Variants in LHFPL6 observed in about 807,000 individuals in gnomAD.
LHFPL6 encodes LHFPL tetraspan subfamily member 6, also known as LHFPL tetraspan subfamily member 6 protein.
Under a neutral mutation model 20.6 loss-of-function variants are expected in LHFPL6, and 9 were observed. The observed-to-expected ratio is 0.44, with a 90% CI of 0.26 to 0.76. The LOEUF is 0.76. Ranked by LOEUF, LHFPL6 falls within the 30% of genes least tolerant of loss-of-function variation. The probability of loss-of-function intolerance (pLI) is 0.20; values close to 1 mark genes in which losing one functional copy is unlikely to be tolerated. For missense variants in LHFPL6, 218 were observed against 253.5 expected (o/e 0.86, Z 0.95); for synonymous variants, 105 against 98.7 (o/e 1.06, Z -0.38).
chr13:39,438,920 G>A (rs1872037109), intron 2 of LHFPL6, among the ~76,000 whole-genome samples: 1 of 152,184 alleles, frequency 6.6e-6, no homozygotes. Context: ...AGCCCTCATG[G>A]AGAACCTCTA....
At chr13:39,571,630 G>A (rs949635727) in intron 2 of LHFPL6, among the ~76,000 whole-genome samples, 8 of 152,034 alleles carry the variant, frequency 5.3e-5, no homozygotes, top group East Asian at 3.8e-4. Context: ...CACTGATTGC[G>A]GGTATCCAGT....
At chr13:39,458,353 G>T (rs574666673) in intron 2 of LHFPL6, among the ~76,000 whole-genome samples, 1 of 152,226 alleles carries the variant, frequency 6.6e-6, no homozygotes, top group South Asian at 2.1e-4. Context: ...CAATACAAAT[G>T]GATACACACC....
chr13:39,506,943 G>C (rs1473249552), intron 2 of LHFPL6, among the ~76,000 whole-genome samples: 2 of 152,140 alleles, frequency 1.3e-5, no homozygotes. Context: ...AGCTAGCCAA[G>C]AAGGAGATGT....
chr13:39,370,749 A>G (rs917571796), intron 3 of LHFPL6, among the ~76,000 whole-genome samples: 7 of 152,230 alleles, frequency 4.6e-5, no homozygotes, highest in African/African-American at 1.7e-4. Context: ...AGCAACCCGA[A>G]AAGTCCACAG....
intron 2 of LHFPL6, among the ~76,000 whole-genome samples, chr13:39,418,382 C>CTTTTTTTT (rs71077297): frequency 6.9e-5 from 9 of 129,732 alleles, no homozygotes; most frequent in East Asian, 3.1e-4. Flanking sequence ...TTTTTTTGGT[C>CTTTTTTTT]TTTTTTTTTT....
intron 2 of LHFPL6, among the ~76,000 whole-genome samples, chr13:39,487,486 A>T (rs1489252175): frequency 6.6e-6 from 1 of 152,210 alleles, no homozygotes; most frequent in African/African-American, 2.4e-5. Context: ...AAAGATAATG[A>T]CAACAAAAAT....
chr13:39,442,431 G>A (rs745321871), intron 2 of LHFPL6, among the ~76,000 whole-genome samples: 1 of 152,090 alleles, frequency 6.6e-6, no homozygotes, highest in Non-Finnish European at 1.5e-5. Context: ...GAAACTTTCT[G>A]GTGAGATTCA....
At chr13:39,596,886 A>T (rs751056620) in intron 2 of LHFPL6, among the ~76,000 whole-genome samples, 4 of 152,246 alleles carry the variant, frequency 2.6e-5, no homozygotes, top group Non-Finnish European at 4.4e-5. Flanking sequence ...TCAGGTTTAC[A>T]GTAAAGCAAG....
intron 2 of LHFPL6, among the ~76,000 whole-genome samples, chr13:39,571,957 G>A (rs911683750): frequency 5.9e-5 from 9 of 152,180 alleles, no homozygotes; most frequent in Non-Finnish European, 1.3e-4. Context: ...TGAGTGTGAC[G>A]AGCCAAGTAG....
At chr13:39,373,839 A>G (rs944436802) in intron 3 of LHFPL6, among the ~76,000 whole-genome samples, 6 of 152,226 alleles carry the variant, frequency 3.9e-5, no homozygotes, top group Non-Finnish European at 4.4e-5. Context: ...CTTTCACACC[A>G]GTCAGAATGG....
intron 2 of LHFPL6, among the ~76,000 whole-genome samples, chr13:39,421,746 A>G (rs1871493260): frequency 1.4e-5 from 1 of 73,696 alleles, no homozygotes; most frequent in Non-Finnish European, 3.0e-5. Flanking sequence ...ATAAAAGGAT[A>G]TTGGGGAGAG....
chr13:39,427,707 A>G (rs7994955), intron 2 of LHFPL6, among the ~76,000 whole-genome samples: 4,281 of 152,268 alleles, frequency 0.028, 174 homozygotes, highest in African/African-American at 0.09. Context: ...ATTTGGCACT[A>G]GGGTTCATGA....
At chr13:39,413,921 G>A (rs968376626) in intron 2 of LHFPL6, among the ~76,000 whole-genome samples, 9 of 152,106 alleles carry the variant, frequency 5.9e-5, no homozygotes, top group African/African-American at 2.2e-4. Context: ...CATAAATTAT[G>A]GACTCTTTTG....
Position 39,602,596 on chromosome 13 carries a change from G to C in LHFPL6, c.-175+287C>G, listed in dbSNP as rs184482112. 6.7e-4 allele frequency among the ~76,000 whole-genome samples: 102 copies of C among 151,420 alleles called. No homozygotes were observed. The East Asian group carries it at 0.019, about 28-fold the overall frequency. On this transcript the variant is annotated intron_variant, in intron 1 of 3. Transcript: ENST00000379589. ...TTTAGCCCCCTGCCATTGCCTCACC[G>C]AGCCACTCCACCCATGGAGACACAC...
chr13:39,585,632 G>C (rs1048957752), intron 2 of LHFPL6, among the ~76,000 whole-genome samples: 6 of 152,094 alleles, frequency 3.9e-5, no homozygotes, highest in Non-Finnish European at 7.4e-5. Context: ...TTCTTTATAA[G>C]TAAAATATAA....
intron 2 of LHFPL6, among the ~76,000 whole-genome samples, chr13:39,549,931 T>C (rs111354231): frequency 0.017 from 2,629 of 152,122 alleles, 85 homozygotes; most frequent in African/African-American, 0.061. Context: ...AAGGCTACAT[T>C]AGACACAGAA....
At chr13:39,428,823 T>C (rs901112785) in intron 2 of LHFPL6, among the ~76,000 whole-genome samples, 1 of 152,220 alleles carries the variant, frequency 6.6e-6, no homozygotes, top group African/African-American at 2.4e-5. Flanking sequence ...AATTTCCCTC[T>C]AAATATTGCT....
chr13:39,433,835 CA>C (rs1372307505), intron 2 of LHFPL6, among the ~76,000 whole-genome samples: 2 of 152,206 alleles, frequency 1.3e-5, no homozygotes, highest in East Asian at 3.9e-4. Flanking sequence ...CCAGCTCTCT[CA>C]GCCAAGAAGT....
chr13:39,357,090 T>C (rs1247029844), intron 3 of LHFPL6, among the ~76,000 whole-genome samples: 1 of 152,150 alleles, frequency 6.6e-6, no homozygotes, highest in Non-Finnish European at 1.5e-5. Flanking sequence ...CAGGATGGCT[T>C]GAACCTGGGA....
Sources: gnomAD v4.1 joint callset for allele counts (sites outside exome capture counted in the v4.1 genomes callset) on GRCh38, gnomAD v4.1.1 for gene constraint, MANE v1.5 for transcripts, NCBI Gene and HGNC (gene_info 2026-07-23, HGNC 2026-07-21) for gene names.